Variants in IFT122 observed in about 807,000 individuals in gnomAD.
The protein encoded by IFT122 is intraflagellar transport 122.
In IFT122, 118 loss-of-function variants were observed where a neutral mutation model predicts 161.6. The observed-to-expected ratio is 0.73, with a 90% confidence interval of 0.63 to 0.85. The LOEUF (loss-of-function observed/expected upper bound fraction) is 0.85. Ranked by LOEUF, IFT122 falls within the 40% of genes least tolerant of loss-of-function variation. The pLI, the probability that IFT122 is intolerant of heterozygous loss-of-function variation, is 0.00. For synonymous variants in IFT122, 550 were observed against 602.4 expected, an observed-to-expected ratio of 0.91 and a Z score of 1.27; for missense variants, 1,381 against 1,579.6, an observed-to-expected ratio of 0.87 and a Z score of 2.13.
Position 129,469,909 on chromosome 3 carries a change from C to T in IFT122, c.816+492C>T, listed in dbSNP as rs921355418. Among the ~76,000 whole-genome samples the T allele has an allele frequency of 3.9e-5, 6 of 152,162 alleles. No individual in the cohort carries two copies. In the East Asian group the frequency reaches 9.6e-4, roughly 24 times the overall value. The stretch of plus-strand genomic sequence containing the variant: ...GAGCTCACAGGCTGGCGGAGACACA[C>T]TTGATAGCAAAGAGCCCCTGTGTGG... On this transcript the variant is annotated intron_variant, in intron 9 of 29. Coordinates refer to ENST00000348417, the MANE Select transcript of IFT122 (RefSeq NM_052989.3).
rs188209648 is a variant in IFT122, at chr3:129,474,356, T to C, written c.817-1959T>C. 2.6e-5 allele frequency among the ~76,000 whole-genome samples: 4 copies of C among 152,284 alleles called. No individual in the cohort carries two copies. The East Asian group carries it at 7.7e-4, about 29-fold the overall frequency. On this transcript the variant is annotated intron_variant, in intron 9 of 29. Transcript: ENST00000348417. Reference sequence around the variant, plus strand: ...ATTTCTTTTATAAATTGAATATTAGTTTAATAATGTTAATCACAAATCGTC... The same window carrying C: ...ATTTCTTTTATAAATTGAATATTAGCTTAATAATGTTAATCACAAATCGTC...
intron 20 of IFT122, among the ~76,000 whole-genome samples, chr3:129,503,761 A>G (rs888610247): frequency 3.9e-5 from 6 of 152,212 alleles, no homozygotes; most frequent in African/African-American, 1.2e-4. Context: ...AGATTTCCCA[A>G]GCAGCATAGA....
intron 15 of IFT122, among the ~76,000 whole-genome samples, chr3:129,485,227 G>GC (rs2079135438): frequency 2.0e-5 from 3 of 152,208 alleles, no homozygotes; most frequent in African/African-American, 7.2e-5. Context: ...CTGGGTCAAA[G>GC]CACGTGTACC....
intron 18 of IFT122, among the ~76,000 whole-genome samples, chr3:129,495,920 G>A (rs1316664775): frequency 1.3e-5 from 2 of 152,196 alleles, no homozygotes. Flanking sequence ...GGGCTTCAGG[G>A]CTGTCCCCCA....
chr3:129,471,937 A>G (rs1378627722), intron 9 of IFT122, among the ~76,000 whole-genome samples: 1 of 152,200 alleles, frequency 6.6e-6, no homozygotes. Flanking sequence ...AATCCTTATA[A>G]CAACCCTATG....
rs138138714 is a variant in IFT122 at position 129,502,727 on chromosome 3, C to T, written c.2392C>T (p.Arg798Cys). Residue 798 changes from arginine to cysteine, a missense_variant, in exon 20 of 30, where the codon CGC (arginine) becomes TGC (cysteine). By Grantham distance (180) the Arg-to-Cys change is radical. Around this residue, in one of 7 missense-constraint regions of IFT122, gnomAD observed 496 missense variants for 502.5 expected, o/e 0.99. Transcript: ENST00000348417. The stretch of plus-strand genomic sequence containing the variant: ...CCTCTCCAGGTTGATCGACATCGCC[C>T]GCAAACTGGACAAGGCTGAGCGCGA... ...GWVDMLIDIARKLDKAEREPL... is the reference protein window; with the variant it reads ...GWVDMLIDIACKLDKAEREPL... 65 of 1,608,698 alleles carry T rather than the reference C, an allele frequency of 4.0e-5. No homozygotes were observed. The highest frequency in any genetic ancestry group is 2.4e-4 in the African/African-American group (18 of 75,066).
Position 129,499,987 on chromosome 3 carries a change from A to G in IFT122, c.2294A>G (p.Lys765Arg). 1 of 1,614,206 alleles carries G rather than the reference A, an allele frequency of 6.2e-7. No individual in the cohort carries two copies. Among genetic ancestry groups the G allele is most frequent in the South Asian group, 1.1e-5 (1 of 91,084 alleles). Residue 765 changes from lysine (K) to arginine (R), a missense_variant, in exon 19 of 30, where the codon AAA becomes AGA. Lys to Arg is a conservative substitution (Grantham distance 26). This residue lies in a region of IFT122 where 496 missense variants were observed against 502.5 expected (regional missense o/e 0.99). Coordinates refer to ENST00000348417, the MANE Select transcript of IFT122 (RefSeq NM_052989.3). ...ADWARNIKEP[K>R]AAVEMYISAG... ...TGGGCCAGAAATATCAAGGAGCCCA[A>G]AGCCGCCGTGGAGATGTACATCTCA...
chr3:129,456,271 G>A lies in IFT122; in HGVS notation c.194-2328G>A. 4.8e-6 allele frequency: 6 copies of A among 1,257,992 alleles called. No homozygotes were observed. In the South Asian group the frequency reaches 7.7e-5, roughly 16 times the overall value. The allele number at this position is 1,257,992 out of a possible 1,614,324, so 77.9% of individuals were successfully genotyped here. A position where few individuals can be genotyped will look rare whatever the true frequency, so the allele number is the denominator to read the frequency against. On this transcript the variant is annotated intron_variant, in intron 3 of 29. Coordinates refer to ENST00000348417, the MANE Select transcript of IFT122 (RefSeq NM_052989.3). ...GGGAGGAGTGATGGAAATAGTAAGA[G>A]CAGTTTCTTTGTTTATTTAGTATTT...
chr3:129,489,720 TC>T (rs2079804101), intron 16 of IFT122, among the ~76,000 whole-genome samples: 1 of 151,706 alleles, frequency 6.6e-6, no homozygotes, highest in Admixed American at 6.6e-5. Flanking sequence ...GCGCCTGTAG[TC>T]CCAGCTACTC....
chr3:129,516,563 G>GCACA (rs774399900), intron 26 of IFT122, among the ~76,000 whole-genome samples: 4 of 90,258 alleles, frequency 4.4e-5, no homozygotes, highest in African/African-American at 1.4e-4. Flanking sequence ...GATTGCTCCT[G>GCACA]CACACACACA....
At chr3:129,490,348 T>C (rs2079919218) in intron 16 of IFT122, among the ~76,000 whole-genome samples, 1 of 152,160 alleles carries the variant, frequency 6.6e-6, no homozygotes, top group Admixed American at 6.5e-5. Context: ...TAGTGGTTCC[T>C]AGAGATGGAC....
At chr3:129,472,089 G>C (rs972156509) in intron 9 of IFT122, among the ~76,000 whole-genome samples, 15 of 152,158 alleles carry the variant, frequency 9.9e-5, no homozygotes, top group African/African-American at 3.6e-4. Context: ...ATCCATATTA[G>C]AATGTCTATC....
At chr3:129,459,510 C>T (rs991953565) in intron 4 of IFT122, 2 of 269,720 alleles carry the variant, frequency 7.4e-6, no homozygotes, top group South Asian at 3.0e-5. Context: ...AGGATGGTCT[C>T]GATCTCCTGA....
chr3:129,454,166 A>G (rs1334692603), intron 3 of IFT122, among the ~76,000 whole-genome samples: 2 of 152,186 alleles, frequency 1.3e-5, no homozygotes, highest in Admixed American at 6.5e-5. Flanking sequence ...GCAGAATTTC[A>G]TGCATATAAT....
intron 17 of IFT122, among the ~76,000 whole-genome samples, chr3:129,492,816 CTTTT>C (rs376279677): frequency 8.0e-6 from 1 of 125,714 alleles, no homozygotes; most frequent in Non-Finnish European, 1.7e-5. Flanking sequence ...CTTTTTTTTT[CTTTT>C]TTTTTTTTTT....
chr3:129,468,468 T>C (rs1257088542), intron 8 of IFT122, among the ~76,000 whole-genome samples: 3 of 152,110 alleles, frequency 2.0e-5, no homozygotes, highest in African/African-American at 7.2e-5. Context: ...CCTCAGCCTC[T>C]GGAATAGCTG....
At chr3:129,494,031 A>C (rs2080500884) in intron 17 of IFT122, among the ~76,000 whole-genome samples, 1 of 152,190 alleles carries the variant, frequency 6.6e-6, no homozygotes, top group Non-Finnish European at 1.5e-5. Flanking sequence ...GCAGATCCTT[A>C]GTGGGTGCCT....
chr3:129,481,672 A>G lies in IFT122; in HGVS notation c.1631A>G (p.Asp544Gly), dbSNP rs745790183. 1 of 1,614,122 alleles carries G rather than the reference A, an allele frequency of 6.2e-7. No homozygotes were observed. ...ENDTCLVYDI[D>G]TKELLFQEPN... The stretch of plus-strand genomic sequence containing the variant: ...GACACTTGCCTGGTGTATGACATCG[A>G]CACCAAGGAGCTGCTTTTTCAGGTG... Residue 544 changes from aspartate to glycine, a missense_variant, in exon 14 of 30, where the codon GAC becomes GGC. Around this residue, in one of 7 missense-constraint regions of IFT122, gnomAD observed 544 missense variants for 648.0 expected, o/e 0.84. Transcript: ENST00000348417.
In IFT122 at chr3:129,506,503, CTAT is replaced by C. The variant is rs1578055423; in HGVS notation, c.2751_2753del (p.Tyr918del). 2 of 1,614,212 alleles carry C rather than the reference CTAT, an allele frequency of 1.2e-6. No homozygotes were observed. Among genetic ancestry groups the C allele is most frequent in the East Asian group, 4.5e-5 (2 of 44,894 alleles). ...CGGAGAGCAGGTTTAATGATGCTGC[CTAT>C]TATTACTGGATGCTGTCCATGCAGT... is the stretch of plus-strand genomic sequence containing the variant. On this transcript the variant is annotated inframe_deletion, in exon 22 of 30. Coordinates refer to ENST00000348417, the MANE Select transcript of IFT122 (RefSeq NM_052989.3).
Sources: gnomAD v4.1 joint callset for allele counts (sites outside exome capture counted in the v4.1 genomes callset) on GRCh38, gnomAD v4.1.1 for gene constraint, gnomAD v4.1.1 regional missense constraint, MANE v1.5 for transcripts, NCBI Gene and HGNC (gene_info 2026-07-23, HGNC 2026-07-21) for gene names.